Variants in MAML3 observed in about 807,000 individuals in gnomAD.
MAML3 encodes the protein mastermind like transcriptional coactivator 3.
Under a neutral mutation model 101.9 loss-of-function variants are expected in MAML3, and 27 were observed. The observed-to-expected ratio is 0.27, with a 90% CI of 0.20 to 0.37. MAML3 has a LOEUF of 0.37. Ranked by LOEUF, MAML3 falls within the 10% of genes least tolerant of loss-of-function variation. The probability of loss-of-function intolerance (pLI) is 1.00; values close to 1 mark genes in which losing one functional copy is unlikely to be tolerated. For missense variants in MAML3, 1,316 were observed against 1,444.9 expected, an observed-to-expected ratio of 0.91 and a Z score of 1.45; for synonymous variants, 501 against 555.9, an observed-to-expected ratio of 0.90 and a Z score of 1.39.
chr4:140,063,309 A>G (rs1649750479), intron 1 of MAML3, among the ~76,000 whole-genome samples: 1 of 152,254 alleles, frequency 6.6e-6, no homozygotes, highest in African/African-American at 2.4e-5. Flanking sequence ...GAGAGAGAAA[A>G]TGAATCTCAA....
At chr4:139,876,047 G>A (rs6834463) in intron 2 of MAML3, among the ~76,000 whole-genome samples, 52,761 of 151,458 alleles carry the variant, frequency 0.35, 9,800 homozygotes, top group Non-Finnish European at 0.42. Context: ...ACATGTGGCT[G>A]TTGAACACTT....
At chr4:139,913,873 C>A (rs969121814) in intron 1 of MAML3, among the ~76,000 whole-genome samples, 1 of 152,186 alleles carries the variant, frequency 6.6e-6, no homozygotes, top group Admixed American at 6.5e-5. Context: ...TCCCTGGCTG[C>A]CCACTTGCTC....
intron 1 of MAML3, among the ~76,000 whole-genome samples, chr4:140,138,136 C>A (rs888217177): frequency 6.6e-6 from 1 of 152,238 alleles, no homozygotes; most frequent in African/African-American, 2.4e-5. Context: ...CATTTTGTCA[C>A]CCACCAAGTC....
At chr4:139,909,868 G>T (rs1253024883) in intron 1 of MAML3, among the ~76,000 whole-genome samples, 1 of 128,278 alleles carries the variant, frequency 7.8e-6, no homozygotes, top group East Asian at 2.1e-4. Flanking sequence ...AGATAAGGCC[G>T]TAGAAATGAG....
intron 2 of MAML3, among the ~76,000 whole-genome samples, chr4:139,843,071 AC>A (rs1731390651): frequency 6.6e-6 from 1 of 152,028 alleles, no homozygotes. Flanking sequence ...CCCAGTCACC[AC>A]GTCCAGCCAA....
chr4:139,730,766 C>A, intron 2 of MAML3, 99 bp from the exon 3 acceptor site: 1 of 1,132,958 alleles, frequency 8.8e-7, no homozygotes. Flanking sequence ...GCAGAAGTCC[C>A]AGCTTATGGA....
In MAML3 at chr4:139,890,712, C is replaced by T; in HGVS notation, c.724G>A (p.Asp242Asn). The change falls in exon 2 of 5, where the codon GAT becomes AAT. Residue 242 changes from aspartate (D) to asparagine (N), a missense_variant. Physicochemically the swap from Asp to Asn is conservative, Grantham distance 23 (BLOSUM62 1). Coordinates refer to ENST00000509479, the MANE Select transcript of MAML3 (RefSeq NM_018717.5). This position sits in a 1 kb window ranked among gnomAD's most constrained non-coding sequence, Gnocchi z 4.1. ...GGGAGCCTACCATTCTTACTTAGAT[C>T]TTCTAGAAGCCCAGGAGTGTGAGTT... The part of the protein sequence containing the change: ...SGTHTPGLLE[D>N]LSKNGRLPEI... 5 of 1,614,042 alleles carry T rather than the reference C, an allele frequency of 3.1e-6. No individual in the cohort carries two copies. Among genetic ancestry groups the T allele is most frequent in the Non-Finnish European group, 4.2e-6 (5 of 1,179,902 alleles).
At chr4:139,792,660 A>G (rs541746371) in intron 2 of MAML3, among the ~76,000 whole-genome samples, 55 of 152,294 alleles carry the variant, frequency 3.6e-4, no homozygotes, top group African/African-American at 1.3e-3. Flanking sequence ...TCTTTGTTAC[A>G]TGATTTTTCA....
At chr4:139,908,618 G>A (rs1396914987) in intron 1 of MAML3, among the ~76,000 whole-genome samples, 2 of 152,332 alleles carry the variant, frequency 1.3e-5, no homozygotes, top group African/African-American at 2.4e-5. Flanking sequence ...CACTAGTCTA[G>A]TTTGAATTAC....
At chr4:140,049,624 G>T (rs1427259950) in intron 1 of MAML3, among the ~76,000 whole-genome samples, 3 of 151,872 alleles carry the variant, frequency 2.0e-5, no homozygotes, top group Admixed American at 6.6e-5. Context: ...GACTGGACAG[G>T]AGTTATTTTT....
intron 1 of MAML3, among the ~76,000 whole-genome samples, chr4:139,996,603 C>A (rs1734819715): frequency 1.3e-5 from 2 of 151,836 alleles, no homozygotes; most frequent in South Asian, 2.1e-4. Context: ...ATTTGCATAG[C>A]AAATGATTTT....
At chr4:140,142,944 C>A (rs1001193294) in intron 1 of MAML3, among the ~76,000 whole-genome samples, 1 of 152,216 alleles carries the variant, frequency 6.6e-6, no homozygotes, top group Admixed American at 6.5e-5. Context: ...TCATTTTTAA[C>A]AACTATACCA....
intron 2 of MAML3, among the ~76,000 whole-genome samples, chr4:139,769,102 C>T (rs971397955): frequency 1.3e-5 from 2 of 152,206 alleles, no homozygotes; most frequent in African/African-American, 4.8e-5. Context: ...ACTAAAGGAA[C>T]TCTGAGTCTC....
At chr4:140,133,601 T>A (rs1360208337) in intron 1 of MAML3, among the ~76,000 whole-genome samples, 1 of 152,202 alleles carries the variant, frequency 6.6e-6, no homozygotes, top group Non-Finnish European at 1.5e-5. Context: ...AGTTTTTTTT[T>A]AATTGAACTG....
At chr4:139,760,318 C>T (rs538008128) in intron 2 of MAML3, among the ~76,000 whole-genome samples, 249 of 152,314 alleles carry the variant, frequency 1.6e-3, no homozygotes, top group Admixed American at 2.9e-3. Context: ...ATCTAGAATT[C>T]AGGTGAACAA....
At chr4:139,874,640 A>C (rs1392038315) in intron 2 of MAML3, among the ~76,000 whole-genome samples, 1 of 151,968 alleles carries the variant, frequency 6.6e-6, no homozygotes, top group Non-Finnish European at 1.5e-5. Flanking sequence ...AGAAACTTAC[A>C]CTCTCCTAGA....
chr4:139,872,675 A>G (rs942650978), intron 2 of MAML3, among the ~76,000 whole-genome samples: 1 of 152,222 alleles, frequency 6.6e-6, no homozygotes, highest in African/African-American at 2.4e-5. Flanking sequence ...ACAGGGGACA[A>G]AGGAAGGGAT....
intron 1 of MAML3, among the ~76,000 whole-genome samples, chr4:139,958,145 C>T (rs939011760): frequency 8.5e-5 from 13 of 152,122 alleles, no homozygotes; most frequent in African/African-American, 3.1e-4. Flanking sequence ...AGTCTAAGGA[C>T]GTTATCACTC....
intron 1 of MAML3, among the ~76,000 whole-genome samples, chr4:139,981,058 C>G (rs536380614): frequency 6.6e-6 from 1 of 152,274 alleles, no homozygotes; most frequent in Non-Finnish European, 1.5e-5. Context: ...GCTGCCACAA[C>G]AAAATACCAC....
Sources: gnomAD v4.1 joint callset for allele counts (sites outside exome capture counted in the v4.1 genomes callset) on GRCh38, gnomAD v4.1.1 for gene constraint, Gnocchi (gnomAD v3.1) non-coding constraint, MANE v1.5 for transcripts, NCBI Gene and HGNC (gene_info 2026-07-23, HGNC 2026-07-21) for gene names.